DHTKD1: variants seen among roughly 807,000 people sequenced by gnomAD.
The protein encoded by DHTKD1 is dehydrogenase E1 and transketolase domain containing 1.
DHTKD1 carries 78 observed loss-of-function variants against 101.8 expected under a neutral mutation model. The observed-to-expected ratio is 0.77, with a 90% CI of 0.64 to 0.93. DHTKD1 has a LOEUF of 0.93. DHTKD1 is among the 40% of genes least tolerant of loss of function. The pLI, the probability that DHTKD1 is intolerant of heterozygous loss-of-function variation, is 0.00. For synonymous variants in DHTKD1, 462 were observed against 450.3 expected (o/e 1.03, Z -0.33); for missense variants, 1,223 against 1,161.7 (o/e 1.05, Z -0.77).
chr10:12,108,597 A>G (rs2131621402), intron 12 of DHTKD1, among the ~76,000 whole-genome samples: 1 of 152,228 alleles, frequency 6.6e-6, no homozygotes, highest in Non-Finnish European at 1.5e-5. Context: ...AAAACATTTG[A>G]AATATCCTGC....
intron 3 of DHTKD1, among the ~76,000 whole-genome samples, 190 bp downstream of exon 3, chr10:12,084,941 C>T (rs1832876044): frequency 6.6e-6 from 1 of 152,026 alleles, no homozygotes; most frequent in African/African-American, 2.4e-5. Context: ...ATCCTAGCTA[C>T]TCATGAGGCT....
In DHTKD1 at chr10:12,120,341, T is replaced by G. The variant is rs1833505660; in HGVS notation, c.2658+74T>G. ...GTTTTTCTTTTCTTTCTTTCTTTCT[T>G]TTTTTTTTTTGAGACAGAGTCTCAC... On this transcript the variant is annotated intron_variant, in intron 16 of 16. Coordinates refer to ENST00000263035, the MANE Select transcript of DHTKD1 (RefSeq NM_018706.7). 6 of 1,170,662 alleles carry G rather than the reference T, an allele frequency of 5.1e-6. No individual in the cohort carries two copies. In the South Asian group the frequency reaches 8.5e-5, roughly 17 times the overall value. The allele number at this position is 1,170,662 out of a possible 1,614,324, so 72.5% of individuals were successfully genotyped here.
In DHTKD1 at chr10:12,101,195, A is replaced by G; in HGVS notation, c.1896+14A>G. 1 of 1,603,070 alleles carries G rather than the reference A, an allele frequency of 6.2e-7. No individual in the cohort carries two copies. The highest frequency in any genetic ancestry group is 8.5e-7 in the Non-Finnish European group (1 of 1,175,468). On this transcript the variant is annotated intron_variant, in intron 10 of 16. Coordinates refer to ENST00000263035, the MANE Select transcript of DHTKD1 (RefSeq NM_018706.7). ...GGGTTTCTAGAGGTGAGATGTTTCT[A>G]TAGCTGTTGTAAAATCCAGGTGCCA...
intron 2 of DHTKD1, 143 bp downstream of exon 2, chr10:12,081,770 T>G (rs1444195656): frequency 1.2e-6 from 1 of 833,222 alleles, no homozygotes; most frequent in African/African-American, 1.7e-5. Flanking sequence ...TGAAGTACGG[T>G]CCGGGAGGAG....
chr10:12,120,728 T>C, intron 16 of DHTKD1, 59 bp from the exon 17 acceptor site: 1 of 1,420,214 alleles, frequency 7.0e-7, no homozygotes, highest in Non-Finnish European at 1.0e-6. Context: ...TTGTTGGAAC[T>C]AAGCAGAGCT....
At chr10:12,071,740 C>T (rs1832653738) in intron 1 of DHTKD1, among the ~76,000 whole-genome samples, 1 of 152,112 alleles carries the variant, frequency 6.6e-6, no homozygotes, top group African/African-American at 2.4e-5. Flanking sequence ...GTTGCCCAGG[C>T]TGGTCTCGAA....
intron 3 of DHTKD1, among the ~76,000 whole-genome samples, chr10:12,086,215 TGTTTTCTTTTC>T (rs1832894077): frequency 9.5e-6 from 1 of 105,454 alleles, no homozygotes; most frequent in African/African-American, 3.5e-5. Context: ...ATTTTTCTTT[TGTTTTCTTTTC>T]TTTTTTTTTT....
At chr10:12,083,065 A>T (rs1207905440) in intron 2 of DHTKD1, among the ~76,000 whole-genome samples, 1 of 151,946 alleles carries the variant, frequency 6.6e-6, no homozygotes, top group African/African-American at 2.4e-5. Flanking sequence ...GGAGCATCTA[A>T]TAGCAAGGCG....
chr10:12,073,207 A>G (rs746130986), intron 1 of DHTKD1, among the ~76,000 whole-genome samples: 2 of 151,472 alleles, frequency 1.3e-5, no homozygotes, highest in Non-Finnish European at 2.9e-5. Context: ...TAATTTTTAT[A>G]TTTTTAGTAG....
chr10:12,086,788 T>C (rs1303744932), intron 3 of DHTKD1, among the ~76,000 whole-genome samples: 1 of 152,100 alleles, frequency 6.6e-6, no homozygotes, highest in Non-Finnish European at 1.5e-5. Flanking sequence ...CCTCCTGGAC[T>C]CAAGCAATTC....
rs547265904 is a variant in DHTKD1 at position 12,107,894 on chromosome 10, G to C, written c.2048-15G>C. On this transcript the variant is annotated splice_polypyrimidine_tract_variant and intron_variant, in intron 11 of 16. Coordinates refer to ENST00000263035, the MANE Select transcript of DHTKD1 (RefSeq NM_018706.7). This position sits in a 1 kb window ranked among gnomAD's most constrained non-coding sequence, Gnocchi z 4.1. ...GCTTCGTAGAGCTCTTACTCCCCAC[G>C]TGGTACTTTTCCAGGAGAGGCCAAG... 1 of 1,562,838 alleles carries C rather than the reference G, an allele frequency of 6.4e-7. No homozygotes were observed. Among genetic ancestry groups the C allele is most frequent in the African/African-American group, 1.4e-5 (1 of 74,054 alleles).
chr10:12,120,372 T>G lies in DHTKD1; in HGVS notation c.2658+105T>G, dbSNP rs181034364. ...TTTTTGAGACAGAGTCTCACTCTGT[T>G]GCCCAGGCTGGAGTGCAGTGGCGCA... On this transcript the variant is annotated intron_variant, in intron 16 of 16. Transcript: ENST00000263035. 3,572 of 1,015,716 alleles carry G rather than the reference T, an allele frequency of 3.5e-3. 85 individuals carry two copies. In the African/African-American group the frequency reaches 0.05, roughly 14 times the overall value. The allele number at this position is 1,015,716 out of a possible 1,614,324, so 62.9% of individuals were successfully genotyped here.
At position 12,107,888 on chromosome 10, in the gene DHTKD1, C is replaced by G. The variant is rs1415906785; in HGVS notation, c.2048-21C>G. The stretch of plus-strand genomic sequence containing the variant: ...GTCCCCGCTTCGTAGAGCTCTTACT[C>G]CCCACGTGGTACTTTTCCAGGAGAG... On this transcript the variant is annotated intron_variant, in intron 11 of 16. Transcript: ENST00000263035. This position sits in a 1 kb window ranked among gnomAD's most constrained non-coding sequence, Gnocchi z 4.1. 1 of 1,524,544 alleles carries G rather than the reference C, an allele frequency of 6.6e-7. No homozygotes were observed. The highest frequency in any genetic ancestry group is 9.1e-7 in the Non-Finnish European group (1 of 1,098,886). 94.4% of individuals were successfully genotyped at this position (1,524,544 alleles called of 1,614,324 possible).
In DHTKD1 at chr10:12,097,729, T is replaced by G. The variant is rs1833092929; in HGVS notation, c.1404T>G (p.Ala468=). The G allele has an allele frequency of 6.2e-7, 1 of 1,614,016 alleles. No individual in the cohort carries two copies. The highest frequency in any genetic ancestry group is 1.3e-5 in the African/African-American group (1 of 74,952). The stretch of plus-strand genomic sequence containing the variant: ...ACACATATGCAGAGCACCTCATTGC[T>G]GGCGGACTCATGACGCAGGAGGAGG... ...IPDTYAEHLI[A]GGLMTQEEVS... Residue 468 remains alanine, a synonymous_variant, in exon 8 of 17, where the codon GCT becomes GCG. Coordinates refer to ENST00000263035, the MANE Select transcript of DHTKD1 (RefSeq NM_018706.7).
At chr10:12,090,385 CTTTT>C (rs1195634578) in intron 5 of DHTKD1, among the ~76,000 whole-genome samples, 5 of 115,300 alleles carry the variant, frequency 4.3e-5, no homozygotes, top group South Asian at 3.8e-4. Context: ...TCCTTCCTTC[CTTTT>C]TTCCTTCCTT....
At chr10:12,078,977 T>A (rs1352540614) in intron 1 of DHTKD1, among the ~76,000 whole-genome samples, 2 of 152,192 alleles carry the variant, frequency 1.3e-5, no homozygotes, top group African/African-American at 4.8e-5. Context: ...GAGATTGCCC[T>A]GTATGTTTGC....
chr10:12,113,643 A>C (rs959264856), intron 13 of DHTKD1, among the ~76,000 whole-genome samples: 3 of 152,200 alleles, frequency 2.0e-5, no homozygotes, highest in African/African-American at 7.2e-5. Flanking sequence ...TTAGGCTATT[A>C]GGCTGGGCAT....
rs778336638 is a variant in DHTKD1, at chr10:12,094,155, A to G, written c.1242A>G (p.Glu414=). ...TCCGTGCCACACGACTGGCTTTTGA[A>G]TACCAACGCCAGTTCCGCAAGGATG... ...EVVRATRLAF[E]YQRQFRKDVI... The change falls in exon 7 of 17, where the codon GAA becomes GAG. Residue 414 remains glutamate (E), a synonymous_variant. Coordinates refer to ENST00000263035, the MANE Select transcript of DHTKD1 (RefSeq NM_018706.7). The G allele has an allele frequency of 1.2e-6, 2 of 1,614,158 alleles. No individual in the cohort carries two copies. Among genetic ancestry groups the G allele is most frequent in the Non-Finnish European group, 1.7e-6 (2 of 1,180,032 alleles).
At chr10:12,073,962 T>C (rs1832686988) in intron 1 of DHTKD1, among the ~76,000 whole-genome samples, 2 of 152,240 alleles carry the variant, frequency 1.3e-5, no homozygotes, top group Admixed American at 6.5e-5. Context: ...TATTCTCCTT[T>C]ATTTTTAAGA....
Sources: allele counts gnomAD v4.1 joint callset (sites outside exome capture counted in the v4.1 genomes callset), GRCh38; gene constraint gnomAD v4.1.1; non-coding constraint Gnocchi (gnomAD v3.1); transcripts MANE v1.5; gene names NCBI Gene and HGNC (gene_info 2026-07-23, HGNC 2026-07-21).